Variants in LRRC4C observed in about 807,000 individuals in gnomAD.
The protein encoded by LRRC4C is leucine-rich repeat-containing protein 4C.
A neutral mutation model predicts 33.6 loss-of-function variants in LRRC4C; 5 were observed. The observed-to-expected ratio is 0.15, with a 90% CI of 0.08 to 0.31. The LOEUF (loss-of-function observed/expected upper bound fraction) is 0.31, where lower values mean the gene tolerates loss of function less well. Ranked by LOEUF, LRRC4C falls within the 10% of genes least tolerant of loss-of-function variation. The pLI is 1.00. For synonymous variants in LRRC4C, 329 were observed against 302.0 expected (o/e 1.09, Z -0.93); for missense variants, 560 against 796.7 (o/e 0.70, Z 3.58).
At chr11:40,652,806 C>G (rs1019077748) in intron 2 of LRRC4C, among the ~76,000 whole-genome samples, 1 of 152,136 alleles carries the variant, frequency 6.6e-6, no homozygotes, top group Non-Finnish European at 1.5e-5. Context: ...CAGGAGGCCC[C>G]AAGGGCTCTG....
intron 5 of LRRC4C, among the ~76,000 whole-genome samples, chr11:40,234,547 T>A (rs1204588822): frequency 2.0e-5 from 3 of 152,108 alleles, no homozygotes; most frequent in African/African-American, 7.2e-5. Context: ...GGTAAGAAGA[T>A]CACTGGAGCC....
chr11:41,410,009 C>G (rs1954401482), intron 1 of LRRC4C, among the ~76,000 whole-genome samples: 1 of 152,146 alleles, frequency 6.6e-6, no homozygotes, highest in Non-Finnish European at 1.5e-5. Flanking sequence ...TCAGAAGATG[C>G]ATGTATATTT....
At chr11:40,141,460 A>G (rs1857361732) in intron 5 of LRRC4C, among the ~76,000 whole-genome samples, 1 of 152,192 alleles carries the variant, frequency 6.6e-6, no homozygotes, top group South Asian at 2.1e-4. Flanking sequence ...AAGAGATCCT[A>G]AGAGAGAGAG....
At chr11:41,387,149 T>A (rs964016734) in intron 1 of LRRC4C, among the ~76,000 whole-genome samples, 2 of 151,718 alleles carry the variant, frequency 1.3e-5, no homozygotes, top group Admixed American at 1.3e-4. Flanking sequence ...GATAAAAGCT[T>A]TTTTTCTCCT....
intron 2 of LRRC4C, among the ~76,000 whole-genome samples, chr11:40,834,896 A>G (rs57046387): frequency 0.045 from 3,025 of 66,676 alleles, 67 homozygotes; most frequent in African/African-American, 0.1. Flanking sequence ...AGACAGACAG[A>G]CAGACAGACA....
chr11:40,331,870 A>G (rs1231201652), intron 3 of LRRC4C, among the ~76,000 whole-genome samples: 3 of 152,150 alleles, frequency 2.0e-5, no homozygotes, highest in African/African-American at 4.8e-5. Context: ...GTGGTACTTC[A>G]TAGTTTCCAT....
intron 1 of LRRC4C, among the ~76,000 whole-genome samples, chr11:41,092,077 T>C (rs898053586): frequency 3.3e-5 from 5 of 152,134 alleles, no homozygotes; most frequent in Non-Finnish European, 7.4e-5. Flanking sequence ...TTTTAAGTAT[T>C]TTTTTACAAT....
At position 41,459,551 on chromosome 11, in the gene LRRC4C, C is replaced by G. The variant is rs1369162003; in HGVS notation, c.-616G>C. On this transcript the variant is annotated 5_prime_UTR_variant, in exon 1 of 7. An upstream open reading frame in the 5' UTR loses its in-frame stop. Transcript: ENST00000528697. The stretch of plus-strand genomic sequence containing the variant: ...TTAAGTCATATCGGAGAAAAATAAT[C>G]AGTTTTCAAAGGTTCCATGTATCTG... The G allele has an allele frequency of 1.3e-5, 2 of 151,770 alleles. No individual in the cohort carries two copies. Among genetic ancestry groups the G allele is most frequent in the Admixed American group, 6.6e-5 (1 of 15,200 alleles). The allele number at this position is 151,770 out of a possible 1,614,324, so 9.4% of individuals were successfully genotyped here.
At chr11:40,595,140 T>C (rs1002079057) in intron 3 of LRRC4C, among the ~76,000 whole-genome samples, 18 of 152,060 alleles carry the variant, frequency 1.2e-4, no homozygotes, top group Admixed American at 3.9e-4. Context: ...CTAGGATACA[T>C]AGAACTTTAT....
At chr11:41,123,483 G>A (rs1264368991) in intron 1 of LRRC4C, among the ~76,000 whole-genome samples, 4 of 150,182 alleles carry the variant, frequency 2.7e-5, no homozygotes, top group South Asian at 4.3e-4. Context: ...CGTTTTAGCC[G>A]GGATGGTCTC....
chr11:40,981,038 A>G (rs1399060416), intron 1 of LRRC4C, among the ~76,000 whole-genome samples: 1 of 152,230 alleles, frequency 6.6e-6, no homozygotes, highest in Non-Finnish European at 1.5e-5. Context: ...AGGCAGAAAG[A>G]GATTAAATAA....
chr11:40,463,997 T>C (rs1565414617), intron 3 of LRRC4C, among the ~76,000 whole-genome samples: 1 of 151,968 alleles, frequency 6.6e-6, no homozygotes, highest in Non-Finnish European at 1.5e-5. Context: ...CCCAGAATCA[T>C]CCTGATACCA....
At chr11:40,627,394 G>A (rs1243033776) in intron 3 of LRRC4C, among the ~76,000 whole-genome samples, 1 of 152,186 alleles carries the variant, frequency 6.6e-6, no homozygotes. Context: ...ATCTACAGTT[G>A]AACGTCTTTA....
At chr11:41,146,253 A>C (rs1396893959) in intron 1 of LRRC4C, among the ~76,000 whole-genome samples, 1 of 152,168 alleles carries the variant, frequency 6.6e-6, no homozygotes, top group Non-Finnish European at 1.5e-5. Context: ...TCTCTGCATT[A>C]ATTTGACCAC....
At chr11:41,040,238 C>CT (rs1374552885) in intron 1 of LRRC4C, among the ~76,000 whole-genome samples, 1 of 151,180 alleles carries the variant, frequency 6.6e-6, no homozygotes. Flanking sequence ...TAGGAGATCT[C>CT]TAATTCTTCA....
At chr11:40,197,690 C>T (rs1052527721) in intron 5 of LRRC4C, among the ~76,000 whole-genome samples, 1 of 152,172 alleles carries the variant, frequency 6.6e-6, no homozygotes, top group African/African-American at 2.4e-5. Context: ...TGATTTCTAA[C>T]AAGAACTGAT....
At chr11:40,763,649 G>A (rs573361990) in intron 2 of LRRC4C, among the ~76,000 whole-genome samples, 1 of 152,228 alleles carries the variant, frequency 6.6e-6, no homozygotes, top group African/African-American at 2.4e-5. Context: ...TGTGTGCTTA[G>A]GTAAGGGAAA....
chr11:40,651,855 A>G (rs781386332), intron 2 of LRRC4C, among the ~76,000 whole-genome samples: 2 of 152,044 alleles, frequency 1.3e-5, no homozygotes, highest in African/African-American at 2.4e-5. Flanking sequence ...AATATTTCTT[A>G]TTTATGCGTG....
chr11:40,165,382 T>C (rs551006787), intron 5 of LRRC4C, among the ~76,000 whole-genome samples: 9 of 152,280 alleles, frequency 5.9e-5, no homozygotes, highest in African/African-American at 2.2e-4. Context: ...AGAGTGTGTG[T>C]ATGTGTCTAT....
Sources: allele counts gnomAD v4.1 joint callset (sites outside exome capture counted in the v4.1 genomes callset), GRCh38; gene constraint gnomAD v4.1.1; transcripts MANE v1.5; gene names NCBI Gene and HGNC (gene_info 2026-07-23, HGNC 2026-07-21).